MGRN1: variants seen among roughly 807,000 people sequenced by gnomAD.
MGRN1 encodes the protein E3 ubiquitin-protein ligase MGRN1.
MGRN1 carries 29 observed loss-of-function variants against 69.2 expected under a neutral mutation model. That is an observed-to-expected ratio of 0.42 (90% CI 0.31 to 0.57). MGRN1 has a LOEUF of 0.57. Ranked by LOEUF, MGRN1 falls within the 20% of genes least tolerant of loss-of-function variation. MGRN1 has a pLI of 0.15. For synonymous variants in MGRN1, 470 were observed against 344.2 expected, an observed-to-expected ratio of 1.37 and a Z score of -4.04; for missense variants, 998 against 796.2, an observed-to-expected ratio of 1.25 and a Z score of -3.05.
chr16:4,630,808 C>CTTT (rs58149708), intron 1 of MGRN1, among the ~76,000 whole-genome samples: 1 of 109,232 alleles, frequency 9.2e-6, no homozygotes, highest in Non-Finnish European at 2.0e-5. Context: ...AGAGTTAATT[C>CTTT]TTTTTTTTTT....
At chr16:4,648,233 G>A (rs935493298) in intron 1 of MGRN1, among the ~76,000 whole-genome samples, 18 of 152,178 alleles carry the variant, frequency 1.2e-4, no homozygotes, top group South Asian at 4.2e-4. Flanking sequence ...TCCTCCCCTC[G>A]GAGACTCTTC....
chr16:4,687,556 C>A (rs1188495376), intron 16 of MGRN1: 32 of 832,932 alleles, frequency 3.8e-5, no homozygotes, highest in Middle Eastern at 1.2e-3. Context: ...CAGCCTGAGA[C>A]CCTGTCTCAA....
chr16:4,632,966 C>T (rs893350187), intron 1 of MGRN1, among the ~76,000 whole-genome samples: 1 of 152,126 alleles, frequency 6.6e-6, no homozygotes, highest in Non-Finnish European at 1.5e-5. Flanking sequence ...ACCTTTAGTC[C>T]TAGCTACCTG....
In MGRN1 at chr16:4,681,739, C is replaced by T. The variant is rs760784736; in HGVS notation, c.1321C>T (p.Arg441Cys). 2.6e-5 allele frequency: 42 copies of T among 1,612,778 alleles called. No homozygotes were observed. Among genetic ancestry groups the T allele is most frequent in the East Asian group, 1.3e-4 (6 of 44,872 alleles). ...TATCGACCACATCCTGGACAGCAGCCGCCAGAAGGGCAGGCCGCAGAGCAA... is the reference window on the plus strand; with the variant it reads ...TATCGACCACATCCTGGACAGCAGCTGCCAGAAGGGCAGGCCGCAGAGCAA... The part of the protein sequence containing the change: ...AAIDHILDSS[R>C]QKGRPQSKAP... Residue 441 changes from arginine (R) to cysteine (C), a missense_variant, in exon 13 of 17, where the codon CGC becomes TGC. Coordinates refer to ENST00000262370, the MANE Select transcript of MGRN1 (RefSeq NM_015246.4).
At chr16:4,626,889 C>G (rs563635056) in intron 1 of MGRN1, among the ~76,000 whole-genome samples, 1 of 152,220 alleles carries the variant, frequency 6.6e-6, no homozygotes, top group Admixed American at 6.5e-5. Context: ...GTTGCCAGTG[C>G]CAGCAGTGTT....
intron 1 of MGRN1, chr16:4,649,569 C>G (rs936481409): frequency 1.3e-5 from 2 of 152,484 alleles, no homozygotes; most frequent in African/African-American, 2.4e-5. Flanking sequence ...AAACCTCCCT[C>G]TCCTTTCTTC....
At chr16:4,678,008 G>A (rs1186831608) in intron 11 of MGRN1, among the ~76,000 whole-genome samples, 3 of 151,994 alleles carry the variant, frequency 2.0e-5, no homozygotes, top group South Asian at 2.1e-4. Flanking sequence ...CCACCACGCC[G>A]AGCTAATGTT....
chr16:4,690,305 G>C lies in MGRN1; in HGVS notation c.*1397G>C, dbSNP rs893246416. ...GTGACCCAGGGCTGGATCCACCCCT[G>C]CGGAGCCCTGGGCCAGGCAGGTGTC... On this transcript the variant is annotated 3_prime_UTR_variant, in exon 17 of 17. Transcript: ENST00000262370. 1 of 152,126 alleles carries C rather than the reference G, an allele frequency of 6.6e-6. No individual in the cohort carries two copies. The highest frequency in any genetic ancestry group is 2.4e-5 in the African/African-American group (1 of 41,394). 9.4% of individuals were successfully genotyped at this position (152,126 alleles called of 1,614,324 possible). A position where few individuals can be genotyped will look rare whatever the true frequency, so the allele number is the denominator to read the frequency against.
chr16:4,684,588 C>A (rs1325065001), intron 16 of MGRN1, among the ~76,000 whole-genome samples: 4 of 152,264 alleles, frequency 2.6e-5, no homozygotes, highest in African/African-American at 9.6e-5. Context: ...GGCAGCAAGG[C>A]TGGGACAGAG....
chr16:4,663,377 T>TG (rs1334488401), intron 5 of MGRN1, among the ~76,000 whole-genome samples: 17 of 134,286 alleles, frequency 1.3e-4, no homozygotes, highest in Non-Finnish European at 2.9e-4. Flanking sequence ...TTTTTTTTTT[T>TG]TTTTTTTTTT....
At chr16:4,637,880 T>G (rs1254721186) in intron 1 of MGRN1, among the ~76,000 whole-genome samples, 1 of 152,108 alleles carries the variant, frequency 6.6e-6, no homozygotes, top group Non-Finnish European at 1.5e-5. Flanking sequence ...CTGAGGGTGG[T>G]GGAGGCTGTT....
chr16:4,665,549 A>G (rs977440052), intron 7 of MGRN1, among the ~76,000 whole-genome samples: 3 of 151,098 alleles, frequency 2.0e-5, no homozygotes, highest in African/African-American at 7.3e-5. Flanking sequence ...TTGTATGTTT[A>G]GTAGAAACAG....
chr16:4,650,718 A>C, intron 2 of MGRN1: 1 of 408,090 alleles, frequency 2.5e-6, no homozygotes, highest in South Asian at 6.7e-5. Context: ...GAAACAGAGC[A>C]GCCATACTGA....
At chr16:4,650,255 A>C in intron 1 of MGRN1, 110 bp from the exon 2 acceptor site, 1 of 770,754 alleles carries the variant, frequency 1.3e-6, no homozygotes, top group Non-Finnish European at 2.1e-6. Flanking sequence ...GTGAGCTGAG[A>C]TAGCGCCACT....
intron 16 of MGRN1, among the ~76,000 whole-genome samples, chr16:4,685,363 GC>G (rs2079286793): frequency 6.6e-6 from 1 of 152,196 alleles, no homozygotes. Context: ...TACAGAGGAG[GC>G]CCACACAGAG....
At position 4,624,879 on chromosome 16, in the gene MGRN1, G is replaced by C; in HGVS notation, c.-82G>C. 1 of 1,258,194 alleles carries C rather than the reference G, an allele frequency of 7.9e-7. No homozygotes were observed. The highest frequency in any genetic ancestry group is 1.5e-5 in the South Asian group (1 of 67,950). The allele number at this position is 1,258,194 out of a possible 1,614,324, so 77.9% of individuals were successfully genotyped here. On this transcript the variant is annotated 5_prime_UTR_variant, in exon 1 of 17. Coordinates refer to ENST00000262370, the MANE Select transcript of MGRN1 (RefSeq NM_015246.4). The stretch of plus-strand genomic sequence containing the variant: ...GACGAGCGTCCGTGCGGCCTGGTCC[G>C]GGCCATGTCCGCGTGAGGACCCCGC...
chr16:4,680,742 A>G (rs1281554124), intron 12 of MGRN1: 1 of 152,576 alleles, frequency 6.6e-6, no homozygotes, highest in Non-Finnish European at 1.5e-5. Context: ...AATGTGGGGT[A>G]CACAGAGGTC....
At chr16:4,649,259 A>G (rs1026708026) in intron 1 of MGRN1, 1 of 152,260 alleles carries the variant, frequency 6.6e-6, no homozygotes, top group African/African-American at 2.4e-5. Context: ...ATTTGGGGGT[A>G]AGGTGACTTA....
chr16:4,687,743 C>A, intron 16 of MGRN1: 1 of 985,502 alleles, frequency 1.0e-6, no homozygotes. Context: ...ATGCAGCCTG[C>A]TGGGAGGTGC....
Sources: allele counts gnomAD v4.1 joint callset (sites outside exome capture counted in the v4.1 genomes callset), GRCh38; gene constraint gnomAD v4.1.1; transcripts MANE v1.5; gene names NCBI Gene and HGNC (gene_info 2026-07-23, HGNC 2026-07-21).